Variants in PTPRN2 observed in about 807,000 individuals in gnomAD.
The protein encoded by PTPRN2 is protein tyrosine phosphatase receptor type N2.
A neutral mutation model predicts 118.8 loss-of-function variants in PTPRN2; 74 were observed. The observed-to-expected ratio is 0.62, with a 90% CI of 0.52 to 0.76. The LOEUF (loss-of-function observed/expected upper bound fraction) is 0.76. Ranked by LOEUF, PTPRN2 falls within the 30% of genes least tolerant of loss-of-function variation. The pLI is 0.00. For missense variants in PTPRN2, 1,481 were observed against 1,394.4 expected, an observed-to-expected ratio of 1.06 and a Z score of -0.99; for synonymous variants, 641 against 608.0, an observed-to-expected ratio of 1.05 and a Z score of -0.80.
intron 11 of PTPRN2, among the ~76,000 whole-genome samples, chr7:157,984,247 A>AC (rs1563298896): frequency 8.3e-5 from 7 of 84,598 alleles, no homozygotes; most frequent in African/African-American, 1.8e-4. Context: ...GCCAGGCTCC[A>AC]CCTCCCCACG....
chr7:158,402,293 G>A (rs918432753), intron 2 of PTPRN2, among the ~76,000 whole-genome samples: 2 of 152,102 alleles, frequency 1.3e-5, no homozygotes, highest in Non-Finnish European at 2.9e-5. Flanking sequence ...ACATGCCCCA[G>A]CACCTCCCCA....
chr7:158,557,459 C>T (rs1432330886), intron 1 of PTPRN2, among the ~76,000 whole-genome samples: 1 of 152,248 alleles, frequency 6.6e-6, no homozygotes, highest in Non-Finnish European at 1.5e-5. Context: ...GCTCTGATTC[C>T]CCAACCTGGT....
intron 11 of PTPRN2, among the ~76,000 whole-genome samples, chr7:157,972,436 A>AAGGGGGT (rs1269953367): frequency 6.6e-6 from 1 of 152,184 alleles, no homozygotes; most frequent in Non-Finnish European, 1.5e-5. Context: ...CACCCAAGAG[A>AAGGGGGT]AGGGGGTCCA....
intron 1 of PTPRN2, among the ~76,000 whole-genome samples, chr7:158,491,508 T>C (rs1238808108): frequency 1.3e-5 from 2 of 152,162 alleles, no homozygotes; most frequent in Non-Finnish European, 2.9e-5. Context: ...TTTTTTTTTT[T>C]GATGGAGTCT....
intron 11 of PTPRN2, among the ~76,000 whole-genome samples, chr7:158,007,964 A>G (rs1216542902): frequency 4.5e-5 from 6 of 134,690 alleles, no homozygotes; most frequent in Non-Finnish European, 9.4e-5. Flanking sequence ...GTGGGTGTGT[A>G]GGTGGGTGTG....
At chr7:158,322,508 G>A (rs1230478749) in intron 2 of PTPRN2, among the ~76,000 whole-genome samples, 1 of 151,912 alleles carries the variant, frequency 6.6e-6, no homozygotes, top group Admixed American at 6.6e-5. Flanking sequence ...GAGCAGTTCC[G>A]TGCATGGCAA....
At chr7:157,878,801 G>A (rs62476458) in intron 12 of PTPRN2, among the ~76,000 whole-genome samples, 5,783 of 62,768 alleles carry the variant, frequency 0.092, 304 homozygotes, top group Admixed American at 0.13. Context: ...CTCGGATTCC[G>A]TGGGGCTGGA....
chr7:158,127,104 G>A (rs555462443), intron 9 of PTPRN2, among the ~76,000 whole-genome samples: 8 of 152,298 alleles, frequency 5.3e-5, no homozygotes, highest in South Asian at 2.1e-4. Flanking sequence ...GAGAGGCATC[G>A]GAGAGGTCAA....
intron 4 of PTPRN2, among the ~76,000 whole-genome samples, chr7:158,195,966 T>C (rs1041394695): frequency 1.3e-5 from 2 of 152,226 alleles, no homozygotes; most frequent in South Asian, 4.1e-4. Context: ...CTCTCGGTTC[T>C]TACTTTTAAG....
At chr7:157,614,853 G>A (rs1404364900) in intron 15 of PTPRN2, among the ~76,000 whole-genome samples, 7 of 152,220 alleles carry the variant, frequency 4.6e-5, no homozygotes, top group South Asian at 4.1e-4. Context: ...ATCCTGGACC[G>A]CAGCCTCCGG....
chr7:158,066,136 G>A (rs1350848421), intron 11 of PTPRN2, among the ~76,000 whole-genome samples: 2 of 152,208 alleles, frequency 1.3e-5, no homozygotes, highest in Non-Finnish European at 2.9e-5. Context: ...GCAAGGAATG[G>A]CTGTGAGCTT....
chr7:157,718,695 CCCAGGG>C (rs1450031029), intron 12 of PTPRN2, among the ~76,000 whole-genome samples: 5 of 151,264 alleles, frequency 3.3e-5, no homozygotes, highest in South Asian at 4.2e-4. Flanking sequence ...TCTCCATGGC[CCCAGGG>C]TGAGTCTCAG....
At chr7:158,389,385 C>A (rs1811749492) in intron 2 of PTPRN2, among the ~76,000 whole-genome samples, 1 of 152,246 alleles carries the variant, frequency 6.6e-6, no homozygotes, top group Non-Finnish European at 1.5e-5. Context: ...CTCTGAAATG[C>A]AAGTTCATTA....
At chr7:158,244,833 GCA>G (rs1796110081) in intron 3 of PTPRN2, among the ~76,000 whole-genome samples, 5 of 64,948 alleles carry the variant, frequency 7.7e-5, no homozygotes, top group South Asian at 5.6e-4. Context: ...TGTGAGTTGT[GCA>G]CATGTGAGTG....
intron 11 of PTPRN2, among the ~76,000 whole-genome samples, chr7:158,072,056 CCCGTG>C (rs1811951403): frequency 5.6e-5 from 7 of 124,014 alleles, no homozygotes; most frequent in South Asian, 5.6e-4. Flanking sequence ...GGTGGAGGTT[CCCGTG>C]GTGGTGGAGG....
rs574603536 is a variant in PTPRN2 at position 157,902,279 on chromosome 7, G to A, written c.1724-3542C>T. On this transcript the variant is annotated intron_variant, in intron 11 of 22. Transcript: ENST00000389418. ...TCAGAGGATGATCTTGTTGGCTGCA[G>A]TGGAACACTCATGAGAAGTGTGGTG... Among the ~76,000 whole-genome samples, 4 of 152,366 alleles carry A rather than the reference G, an allele frequency of 2.6e-5. No individual in the cohort carries two copies. The East Asian group carries it at 7.7e-4, about 29-fold the overall frequency.
intron 2 of PTPRN2, among the ~76,000 whole-genome samples, chr7:158,351,217 C>T (rs977778030): frequency 1.3e-4 from 20 of 152,178 alleles, no homozygotes; most frequent in African/African-American, 4.8e-4. Context: ...TCCACCCACC[C>T]CCAGGGGTTC....
chr7:158,465,959 C>T (rs919693818), intron 2 of PTPRN2, among the ~76,000 whole-genome samples: 1 of 152,228 alleles, frequency 6.6e-6, no homozygotes, highest in African/African-American at 2.4e-5. Context: ...CAGATCCCTG[C>T]CTCACGCCTC....
intron 6 of PTPRN2, among the ~76,000 whole-genome samples, chr7:158,157,698 C>G (rs1264394800): frequency 6.6e-6 from 1 of 152,208 alleles, no homozygotes; most frequent in Non-Finnish European, 1.5e-5. Flanking sequence ...GGTGTGTCCT[C>G]AAGGTGCAGT....
Sources: gnomAD v4.1 joint callset for allele counts (sites outside exome capture counted in the v4.1 genomes callset) on GRCh38, gnomAD v4.1.1 for gene constraint, MANE v1.5 for transcripts, NCBI Gene and HGNC (gene_info 2026-07-23, HGNC 2026-07-21) for gene names.